CDYL: variants seen among roughly 807,000 people sequenced by gnomAD.
The protein encoded by CDYL is chromodomain Y-like protein.
CDYL carries 8 observed loss-of-function variants against 47.3 expected under a neutral mutation model. The ratio of observed to expected loss-of-function variants is 0.17; its 90% confidence interval spans 0.10 to 0.31. The LOEUF (loss-of-function observed/expected upper bound fraction) is 0.31. Ranked by LOEUF, CDYL falls within the 10% of genes least tolerant of loss-of-function variation. CDYL has a pLI of 1.00. For synonymous variants in CDYL, 266 were observed against 265.0 expected, an observed-to-expected ratio of 1.00 and a Z score of -0.04; for missense variants, 471 against 701.4, an observed-to-expected ratio of 0.67 and a Z score of 3.71.
chr6:4,787,992 G>A lies in CDYL; in HGVS notation c.24+11185G>A, dbSNP rs372486421. Among the ~76,000 whole-genome samples, 936 of 151,780 alleles carry A rather than the reference G, an allele frequency of 6.2e-3. 13 individuals are homozygous for A. The highest frequency in any genetic ancestry group is 0.022 in the African/African-American group (891 of 41,388). ...TCACCATTTTGGCCAGGCTGGTCTC[G>A]AACTCCTGACCTCAACTGATCTGCC... On this transcript the variant is annotated intron_variant, in intron 1 of 6. Coordinates refer to ENST00000397588, the MANE Select transcript of CDYL (RefSeq NM_004824.4).
intron 1 of CDYL, among the ~76,000 whole-genome samples, chr6:4,844,933 G>A (rs1206989572): frequency 6.6e-6 from 1 of 151,976 alleles, no homozygotes; most frequent in East Asian, 1.9e-4. Flanking sequence ...CAAATAAATT[G>A]CCTTTTTCAT....
chr6:4,772,532 C>T (rs912754920), upstream of CDYL, among the ~76,000 whole-genome samples: 3 of 152,194 alleles, frequency 2.0e-5, no homozygotes, highest in African/African-American at 7.2e-5. Context: ...CTGAATTAAT[C>T]TTATAAATGG....
chr6:4,757,075 A>C (rs192692330), intron 3 of CDYL, among the ~76,000 whole-genome samples: 1 of 152,234 alleles, frequency 6.6e-6, no homozygotes, highest in African/African-American at 2.4e-5. Flanking sequence ...ACTGATTGAC[A>C]TGAATAAATA....
Position 4,758,351 on chromosome 6 carries a change from A to ATATATATATAT in CDYL, c.186+23507_186+23508insTATATATATAT, listed in dbSNP as rs1758108099. Among the ~76,000 whole-genome samples, 522 of 129,012 alleles carry ATATATATATAT rather than the reference A, an allele frequency of 4.0e-3. 6 individuals are homozygous for ATATATATATAT. The highest frequency in any genetic ancestry group is 0.032 in the South Asian group (115 of 3,584). The allele number at this position is 129,012 out of a possible 152,430, so 84.6% of individuals were successfully genotyped here. A position where few individuals can be genotyped will look rare whatever the true frequency, so the allele number is the denominator to read the frequency against. On this transcript the variant is annotated intron_variant, in intron 3 of 8. Coordinates refer to the CDYL transcript ENST00000328908. ...AAGACTCATGTCTTGAAAATAAATA[A>ATATATATATAT]ATATATATATATATATATATCTCTT...
At chr6:4,775,374 C>T (rs1233580184), upstream of CDYL, 1 of 151,740 alleles carries the variant, frequency 6.6e-6, no homozygotes, top group Non-Finnish European at 1.5e-5. The surrounding 1 kb of genome is among the most constrained non-coding windows in gnomAD (Gnocchi z 7.0). Context: ...CAGGTGTGCC[C>T]TGGCAGTAGA....
intron 2 of CDYL, among the ~76,000 whole-genome samples, chr6:4,904,145 C>T (rs559345294): frequency 4.5e-4 from 69 of 152,306 alleles, no homozygotes; most frequent in African/African-American, 1.7e-3. Flanking sequence ...TCAGCCCTGC[C>T]GTTGTGGGTA....
upstream of CDYL, among the ~76,000 whole-genome samples, chr6:4,771,655 T>C (rs1405126565): frequency 6.6e-6 from 1 of 152,238 alleles, no homozygotes; most frequent in Non-Finnish European, 1.5e-5. Context: ...GTCTTGTGTT[T>C]CTATTTTCCT....
At chr6:4,831,795 G>A (rs149173133) in intron 1 of CDYL, among the ~76,000 whole-genome samples, 8 of 152,236 alleles carry the variant, frequency 5.3e-5, no homozygotes, top group Non-Finnish European at 1.2e-4. Flanking sequence ...CTTCACGTCC[G>A]TTGTAAGGTG....
intron 3 of CDYL, among the ~76,000 whole-genome samples, chr6:4,747,066 T>G (rs1757910843): frequency 6.6e-6 from 1 of 152,138 alleles, no homozygotes; most frequent in African/African-American, 2.4e-5. Context: ...CCCAGCACTT[T>G]GGGAGGTCGA....
intron 1 of CDYL, among the ~76,000 whole-genome samples, chr6:4,796,177 C>A (rs1196014600): frequency 6.6e-6 from 1 of 152,172 alleles, no homozygotes; most frequent in African/African-American, 2.4e-5. Context: ...ATGTGATCCG[C>A]CTGCCTCGGC....
intron 1 of CDYL, among the ~76,000 whole-genome samples, chr6:4,855,696 A>G (rs894943243): frequency 1.3e-5 from 2 of 152,356 alleles, no homozygotes; most frequent in Admixed American, 6.5e-5. Flanking sequence ...TTACATCACA[A>G]TCTACACGTA....
chr6:4,733,523 A>G (rs557241276), intron 2 of CDYL, among the ~76,000 whole-genome samples: 13 of 152,228 alleles, frequency 8.5e-5, no homozygotes, highest in African/African-American at 3.1e-4. Flanking sequence ...TGTTTGGTGT[A>G]CACCATGAAA....
chr6:4,724,287 A>G (rs898502249), intron 2 of CDYL: 1 of 151,884 alleles, frequency 6.6e-6, no homozygotes, highest in Admixed American at 6.6e-5. Flanking sequence ...CTGACTTCAT[A>G]TAATCCACCC....
intron 2 of CDYL, among the ~76,000 whole-genome samples, chr6:4,722,344 A>C (rs1480533940): frequency 4.6e-5 from 7 of 152,298 alleles, no homozygotes; most frequent in East Asian, 1.9e-4. Context: ...GGATGGCTTA[A>C]GGTAAAGAGT....
In CDYL at chr6:4,732,521, G is replaced by A. The variant is rs534845006; in HGVS notation, c.104-2241G>A. ...CATTAAAAAATAAAAAATTCACTGGGCATAGTGGTGAATGCCTGCAGTCAT... is the reference window on the plus strand; with the variant it reads ...CATTAAAAAATAAAAAATTCACTGGACATAGTGGTGAATGCCTGCAGTCAT... On this transcript the variant is annotated intron_variant, in intron 2 of 8. Transcript: ENST00000328908. Among the ~76,000 whole-genome samples the A allele has an allele frequency of 1.3e-3, 204 of 152,006 alleles. 1 individual carries two copies. The highest frequency in any genetic ancestry group is 4.8e-3 in the African/African-American group (197 of 41,436).
At chr6:4,719,596 G>A (rs1757332188) in intron 2 of CDYL, among the ~76,000 whole-genome samples, 1 of 152,140 alleles carries the variant, frequency 6.6e-6, no homozygotes, top group African/African-American at 2.4e-5. Flanking sequence ...AGATTAAAAT[G>A]ACTTCCAGAG....
chr6:4,732,298 G>A (rs145313260), intron 2 of CDYL, among the ~76,000 whole-genome samples: 2,911 of 151,778 alleles, frequency 0.019, 35 homozygotes, highest in Middle Eastern at 0.038. Context: ...TTGTGCCACC[G>A]CACCCCAGCC....
chr6:4,942,945 A>G (rs555892770), intron 4 of CDYL, among the ~76,000 whole-genome samples: 3 of 152,132 alleles, frequency 2.0e-5, no homozygotes, highest in Admixed American at 6.5e-5. Flanking sequence ...AGCCTGTGAC[A>G]CTCTTGTCTC....
chr6:4,785,003 GTTAA>G (rs1345724887), intron 1 of CDYL, among the ~76,000 whole-genome samples: 1 of 152,192 alleles, frequency 6.6e-6, no homozygotes, highest in East Asian at 1.9e-4. Flanking sequence ...GTGGAACTGA[GTTAA>G]TTAAACTCGT....
Sources: allele counts gnomAD v4.1 joint callset (sites outside exome capture counted in the v4.1 genomes callset), GRCh38; gene constraint gnomAD v4.1.1; non-coding constraint Gnocchi (gnomAD v3.1); transcripts MANE v1.5; gene names NCBI Gene and HGNC (gene_info 2026-07-23, HGNC 2026-07-21).